Variants in NEK11 observed in about 807,000 individuals in gnomAD.
NEK11 encodes the protein serine/threonine-protein kinase Nek11.
A neutral mutation model predicts 80.7 loss-of-function variants in NEK11; 72 were observed. The observed-to-expected ratio is 0.89, with a 90% CI of 0.74 to 1.08. NEK11 has a LOEUF of 1.08. Among genes scored for constraint, NEK11 ranks in the 50% least tolerant of loss-of-function variants. NEK11 has a pLI of 0.00. For missense variants in NEK11, 764 were observed against 763.6 expected (o/e 1.00, Z -0.01); for synonymous variants, 251 against 260.7 (o/e 0.96, Z 0.36).
intron 17 of NEK11, among the ~76,000 whole-genome samples, chr3:131,343,595 C>T (rs1363034031): frequency 6.6e-6 from 1 of 152,206 alleles, no homozygotes; most frequent in Non-Finnish European, 1.5e-5. Context: ...TCTGTCTGAA[C>T]ACCAGGCTTT....
intron 2 of NEK11, 145 bp from the exon 3 acceptor site, chr3:131,029,468 C>T (rs2064458330): frequency 5.9e-6 from 2 of 340,472 alleles, no homozygotes; most frequent in African/African-American, 4.2e-5. Flanking sequence ...TGTGGTATCT[C>T]TACCTTTTAA....
At chr3:131,030,402 G>A (rs936671649) in intron 3 of NEK11, among the ~76,000 whole-genome samples, 6 of 152,166 alleles carry the variant, frequency 3.9e-5, no homozygotes, top group African/African-American at 1.2e-4. Flanking sequence ...CTAGAAATGG[G>A]ATAGATTATG....
At chr3:131,211,181 C>T (rs1256866458) in intron 14 of NEK11, among the ~76,000 whole-genome samples, 1 of 152,186 alleles carries the variant, frequency 6.6e-6, no homozygotes, top group East Asian at 1.9e-4. Context: ...GTGACAAAAT[C>T]TCTCAGCATT....
At chr3:131,247,603 G>A (rs2095624568) in intron 16 of NEK11, among the ~76,000 whole-genome samples, 1 of 151,976 alleles carries the variant, frequency 6.6e-6, no homozygotes, top group Non-Finnish European at 1.5e-5. Context: ...CTTTGGGTAT[G>A]CAGGCTCTTT....
At chr3:131,262,354 C>G (rs1258264407) in intron 16 of NEK11, among the ~76,000 whole-genome samples, 1 of 151,990 alleles carries the variant, frequency 6.6e-6, no homozygotes, top group Non-Finnish European at 1.5e-5. Flanking sequence ...GAGTCTGTCT[C>G]TAAACATAAA....
intron 17 of NEK11, among the ~76,000 whole-genome samples, chr3:131,311,353 C>G (rs1317817153): frequency 1.3e-5 from 2 of 152,144 alleles, no homozygotes; most frequent in Non-Finnish European, 2.9e-5. Flanking sequence ...TCAGAACTTA[C>G]TCCTTCTATC....
intron 3 of NEK11, among the ~76,000 whole-genome samples, chr3:131,032,002 C>T (rs1479895300): frequency 6.6e-6 from 1 of 150,864 alleles, no homozygotes; most frequent in African/African-American, 2.4e-5. Context: ...CACTCTGTCT[C>T]CCAGGCTGAA....
chr3:131,106,380 T>G (rs1578343958), intron 4 of NEK11, among the ~76,000 whole-genome samples: 1 of 152,072 alleles, frequency 6.6e-6, no homozygotes, highest in Admixed American at 6.5e-5. Flanking sequence ...TTACCTCTAT[T>G]TGACTCTTGC....
intron 4 of NEK11, among the ~76,000 whole-genome samples, chr3:131,089,704 G>T (rs1345456520): frequency 6.6e-6 from 1 of 152,184 alleles, no homozygotes; most frequent in Admixed American, 6.5e-5. Flanking sequence ...CTCCGAAAGT[G>T]CTGGGATTAC....
At chr3:131,333,578 G>A (rs1028708550) in intron 17 of NEK11, among the ~76,000 whole-genome samples, 2 of 152,098 alleles carry the variant, frequency 1.3e-5, no homozygotes, top group Non-Finnish European at 2.9e-5. Context: ...AAAATCACCA[G>A]CTAACATCAT....
At position 131,103,329 on chromosome 3, in the gene NEK11, G is replaced by T. The variant is rs143943243; in HGVS notation, c.337-6474G>T. 2.2e-3 allele frequency among the ~76,000 whole-genome samples: 334 copies of T among 152,340 alleles called. 4 individuals carry two copies. Among genetic ancestry groups the T allele is most frequent in the African/African-American group, 7.5e-3 (313 of 41,576 alleles). The stretch of plus-strand genomic sequence containing the variant: ...TTAATTGTGGTGTAAATTGAGTATA[G>T]TTAGTTGGCTTCATTTCTGGATGTT... On this transcript the variant is annotated intron_variant, in intron 4 of 17. Transcript: ENST00000383366.
At chr3:131,186,419 G>A (rs16836119) in intron 14 of NEK11, among the ~76,000 whole-genome samples, 2,155 of 152,202 alleles carry the variant, frequency 0.014, 49 homozygotes, top group African/African-American at 0.05. Flanking sequence ...TTAGAGCCAA[G>A]GCCCTACAAA....
chr3:131,242,894 TG>T (rs1221752990), intron 15 of NEK11, among the ~76,000 whole-genome samples: 3 of 152,110 alleles, frequency 2.0e-5, no homozygotes, highest in Non-Finnish European at 4.4e-5. Context: ...CCAACCGTTA[TG>T]GGGGAAGTCT....
At chr3:131,063,766 A>T (rs556576483) in intron 3 of NEK11, among the ~76,000 whole-genome samples, 8 of 152,326 alleles carry the variant, frequency 5.3e-5, no homozygotes, top group Admixed American at 2.0e-4. Context: ...GTAACTCACC[A>T]GCCAGGAAAT....
chr3:131,323,526 A>G (rs1055971479), intron 17 of NEK11, among the ~76,000 whole-genome samples: 5 of 152,150 alleles, frequency 3.3e-5, no homozygotes, highest in Admixed American at 6.5e-5. Flanking sequence ...TCTGGAATGC[A>G]TGTCACATTT....
chr3:131,280,694 T>C (rs908083790), intron 17 of NEK11, among the ~76,000 whole-genome samples: 1 of 152,230 alleles, frequency 6.6e-6, no homozygotes, highest in African/African-American at 2.4e-5. Flanking sequence ...ACTAATTATT[T>C]TGATGTCTTT....
chr3:131,095,278 A>T (rs2077270189), intron 4 of NEK11, among the ~76,000 whole-genome samples: 1 of 152,082 alleles, frequency 6.6e-6, no homozygotes, highest in South Asian at 2.1e-4. Context: ...AGCATTCTAG[A>T]AATTCTTATC....
chr3:131,185,142 T>A (rs2150214243), intron 14 of NEK11, among the ~76,000 whole-genome samples: 1 of 152,302 alleles, frequency 6.6e-6, no homozygotes, highest in South Asian at 2.1e-4. Context: ...TTAGCAAATA[T>A]TGGTTGAATC....
intron 16 of NEK11, among the ~76,000 whole-genome samples, chr3:131,260,707 A>G (rs1339936356): frequency 6.6e-6 from 1 of 152,116 alleles, no homozygotes; most frequent in East Asian, 1.9e-4. Flanking sequence ...GAGTAGGAGG[A>G]GAAATATGAG....
Sources: gnomAD v4.1 joint callset for allele counts (sites outside exome capture counted in the v4.1 genomes callset) on GRCh38, gnomAD v4.1.1 for gene constraint, MANE v1.5 for transcripts, NCBI Gene and HGNC (gene_info 2026-07-23, HGNC 2026-07-21) for gene names.